Variants in CREB5 observed in about 807,000 individuals in gnomAD.
The protein encoded by CREB5 is cyclic AMP-responsive element-binding protein 5.
In CREB5, 19 loss-of-function variants were observed where a neutral mutation model predicts 57.1. The ratio of observed to expected loss-of-function variants is 0.33; its 90% CI spans 0.23 to 0.49. CREB5 has a LOEUF of 0.49. Among genes scored for constraint, CREB5 ranks in the 20% least tolerant of loss-of-function variants. The pLI is 0.99. For missense variants in CREB5, 579 were observed against 671.6 expected, an observed-to-expected ratio of 0.86 and a Z score of 1.52; for synonymous variants, 238 against 238.3, an observed-to-expected ratio of 1.00 and a Z score of 0.01.
intron 5 of CREB5, among the ~76,000 whole-genome samples, chr7:28,644,500 C>T (rs1019180762): frequency 7.9e-5 from 12 of 152,218 alleles, no homozygotes; most frequent in Middle Eastern, 3.4e-3. Context: ...AAGACCTTGT[C>T]GCGCCCCCAA....
intron 1 of CREB5, among the ~76,000 whole-genome samples, chr7:28,311,138 C>CA (rs58272820): frequency 0.16 from 18,488 of 117,486 alleles, 1,700 homozygotes; most frequent in Middle Eastern, 0.26. Context: ...ACTAAAAATA[C>CA]AAAAAAAAAA....
chr7:28,372,622 T>G (rs1332414559), intron 1 of CREB5, among the ~76,000 whole-genome samples: 1 of 152,242 alleles, frequency 6.6e-6, no homozygotes, highest in African/African-American at 2.4e-5. Context: ...TCCAGTTTAT[T>G]ATAGATTGGT....
At chr7:28,415,071 A>G (rs1489520818) in intron 1 of CREB5, among the ~76,000 whole-genome samples, 2 of 152,066 alleles carry the variant, frequency 1.3e-5, no homozygotes, top group East Asian at 3.9e-4. Context: ...GCTTTCTTCT[A>G]TTTCCTTAAG....
intron 4 of CREB5, among the ~76,000 whole-genome samples, chr7:28,562,083 T>A (rs1795295935): frequency 6.6e-6 from 1 of 152,224 alleles, no homozygotes; most frequent in African/African-American, 2.4e-5. Context: ...TAGTTTCTAA[T>A]GTCCAAGATT....
At chr7:28,431,600 T>A (rs1250337849) in intron 1 of CREB5, among the ~76,000 whole-genome samples, 1 of 152,126 alleles carries the variant, frequency 6.6e-6, no homozygotes, top group Admixed American at 6.5e-5. Context: ...GGTCAGTCTT[T>A]CCTAAGCAAG....
upstream of CREB5, chr7:28,410,076 G>C (rs547674326): frequency 1.1e-3 from 442 of 399,390 alleles, 3 homozygotes; most frequent in East Asian, 6.3e-3. Context: ...GGGTGGGCGC[G>C]CGCGCAGGGG....
intron 1 of CREB5, among the ~76,000 whole-genome samples, chr7:28,442,387 G>A (rs568366472): frequency 6.6e-6 from 1 of 152,246 alleles, no homozygotes; most frequent in African/African-American, 2.4e-5. Context: ...ATCGTGAATA[G>A]TGCTGCAGCA....
chr7:28,493,087 A>G (rs954233144), intron 2 of CREB5, among the ~76,000 whole-genome samples: 1 of 152,236 alleles, frequency 6.6e-6, no homozygotes, highest in African/African-American at 2.4e-5. Context: ...CTTTTAGAAT[A>G]TTTTGTATAA....
At chr7:28,346,554 A>T (rs1268046611) in intron 1 of CREB5, among the ~76,000 whole-genome samples, 1 of 152,214 alleles carries the variant, frequency 6.6e-6, no homozygotes, top group African/African-American at 2.4e-5. Flanking sequence ...CACCATCCCA[A>T]CAAAGGCCTT....
At chr7:28,754,084 G>C (rs1280102700) in intron 7 of CREB5, among the ~76,000 whole-genome samples, 1 of 151,574 alleles carries the variant, frequency 6.6e-6, no homozygotes, top group Non-Finnish European at 1.5e-5. Flanking sequence ...ATGTTTATGT[G>C]CCTAAATGAA....
chr7:28,467,052 G>A (rs539142194), intron 1 of CREB5, among the ~76,000 whole-genome samples: 32 of 152,360 alleles, frequency 2.1e-4, no homozygotes, highest in African/African-American at 6.7e-4. Flanking sequence ...GAGGGCCGTA[G>A]CTGTGGGAGA....
Position 28,819,200 on chromosome 7 carries a change from C to A in CREB5, c.1448C>A (p.Ser483Ter). Reference protein sequence around the residue: ...VIQHNTITTSSSVSEVVGSST... With the variant: ...VIQHNTITTS ...CAGCATAATACCATCACTACTTCCTCATCGGTCAGCGAGGTGGTAGGAAGC... is the reference window on the plus strand; with the variant it reads ...CAGCATAATACCATCACTACTTCCTAATCGGTCAGCGAGGTGGTAGGAAGC... The change falls in exon 11 of 11, where the codon TCA becomes TAA. Residue 483 changes from serine to a stop codon, truncating the protein, a stop_gained. Coordinates refer to ENST00000357727, the MANE Select transcript of CREB5 (RefSeq NM_182898.4). LOFTEE classifies it high-confidence loss of function. 6.2e-7 allele frequency: 1 copy of A among 1,613,910 alleles called. No individual in the cohort carries two copies. Among genetic ancestry groups the A allele is most frequent in the Non-Finnish European group, 8.5e-7 (1 of 1,179,900 alleles).
chr7:28,581,422 T>G (rs1796121056), intron 5 of CREB5, among the ~76,000 whole-genome samples: 1 of 151,852 alleles, frequency 6.6e-6, no homozygotes. Flanking sequence ...GAGAAAAGAG[T>G]ATGACAAGAC....
chr7:28,469,686 TACATAGCACTTACC>T (rs1392920802), intron 1 of CREB5, among the ~76,000 whole-genome samples: 1 of 152,218 alleles, frequency 6.6e-6, no homozygotes, highest in Non-Finnish European at 1.5e-5. Flanking sequence ...AGCTGGCAGT[TACATAGCACTTACC>T]ATGTGCCAGA....
At position 28,682,217 on chromosome 7, in the gene CREB5, G is replaced by A. The variant is rs535378826; in HGVS notation, c.465-36536G>A. 2.6e-5 allele frequency among the ~76,000 whole-genome samples: 4 copies of A among 152,314 alleles called. No individual in the cohort carries two copies. In the South Asian group the frequency reaches 8.3e-4, roughly 32 times the overall value. ...CCTTGTCTTCTCTCTGGGAGCACCT[G>A]GAGCTGACTTCAGCAGGGCTGACAA... On this transcript the variant is annotated intron_variant, in intron 5 of 10. Transcript: ENST00000357727.
chr7:28,799,788 G>A (rs1297903010), intron 7 of CREB5, among the ~76,000 whole-genome samples: 2 of 152,162 alleles, frequency 1.3e-5, no homozygotes, highest in African/African-American at 2.4e-5. Flanking sequence ...GCAGGGTGTG[G>A]AGCAGTAAAC....
At chr7:28,572,714 A>G (rs1441825389) in intron 5 of CREB5, among the ~76,000 whole-genome samples, 3 of 152,164 alleles carry the variant, frequency 2.0e-5, no homozygotes, top group South Asian at 4.2e-4. Context: ...CTAGCAATAA[A>G]GTTTAAGATG....
At chr7:28,330,434 T>C (rs1422556453) in intron 1 of CREB5, among the ~76,000 whole-genome samples, 1 of 147,716 alleles carries the variant, frequency 6.8e-6, no homozygotes, top group Non-Finnish European at 1.5e-5. Context: ...ATATTTAGTT[T>C]GCATCGTCAG....
chr7:28,562,945 C>T (rs991671401), intron 4 of CREB5, among the ~76,000 whole-genome samples: 2 of 152,204 alleles, frequency 1.3e-5, no homozygotes, highest in African/African-American at 4.8e-5. Flanking sequence ...AGCAGCAGGG[C>T]TTAGTGGTGA....
Sources: gnomAD v4.1 joint callset for allele counts (sites outside exome capture counted in the v4.1 genomes callset) on GRCh38, gnomAD v4.1.1 for gene constraint, MANE v1.5 for transcripts, NCBI Gene and HGNC (gene_info 2026-07-23, HGNC 2026-07-21) for gene names.